The following SNX9 variants were observed in gnomAD, a reference collection of about 807,000 sequenced individuals.
SNX9 encodes sorting nexin-9.
A neutral mutation model predicts 89.4 loss-of-function variants in SNX9; 44 were observed. The observed-to-expected ratio is 0.49, with a 90% CI of 0.39 to 0.63. The LOEUF (loss-of-function observed/expected upper bound fraction) is 0.63. Among genes scored for constraint, SNX9 ranks in the 30% least tolerant of loss-of-function variants. SNX9 has a pLI of 0.00. For missense variants in SNX9, 578 were observed against 736.1 expected (o/e 0.79, Z 2.49); for synonymous variants, 236 against 247.8 (o/e 0.95, Z 0.45).
At chr6:157,942,641 A>C in intron 17 of SNX9, 150 bp from the exon 18 acceptor site, 2 of 784,666 alleles carry the variant, frequency 2.5e-6, no homozygotes, top group South Asian at 1.7e-5. Context: ...TCTGTCCAGC[A>C]GCAACGCGGG....
intron 9 of SNX9, among the ~76,000 whole-genome samples, chr6:157,912,075 A>G (rs1400888670): frequency 6.6e-6 from 1 of 152,062 alleles, no homozygotes; most frequent in Non-Finnish European, 1.5e-5. Context: ...CACTCCCTGT[A>G]CCTCAACCCG....
At chr6:157,849,682 G>A (rs1282797295) in intron 1 of SNX9, among the ~76,000 whole-genome samples, 4 of 152,210 alleles carry the variant, frequency 2.6e-5, no homozygotes, top group African/African-American at 9.6e-5. Context: ...CTTTCTTAGA[G>A]GTGGAAAGGA....
At chr6:157,871,474 A>G (rs1313066386) in intron 2 of SNX9, among the ~76,000 whole-genome samples, 1 of 152,162 alleles carries the variant, frequency 6.6e-6, no homozygotes, top group South Asian at 2.1e-4. Flanking sequence ...TGGGAATTGA[A>G]CAATGAGAAC....
chr6:157,841,512 G>T (rs1189743461), intron 1 of SNX9, among the ~76,000 whole-genome samples: 2 of 152,164 alleles, frequency 1.3e-5, no homozygotes, highest in African/African-American at 4.8e-5. Flanking sequence ...GTTTCCCCCA[G>T]GGAGGTTTAA....
In SNX9 at chr6:157,828,562, C is replaced by G. The variant is rs111563502; in HGVS notation, c.12+5116C>G. Among the ~76,000 whole-genome samples the G allele has an allele frequency of 8.5e-4, 130 of 152,066 alleles. 2 individuals carry two copies. The highest frequency in any genetic ancestry group is 2.5e-4 in the Non-Finnish European group (17 of 68,024). The stretch of plus-strand genomic sequence containing the variant: ...AGGCTGGAGTGCAGTGGCACGAACA[C>G]AGCTCACGGCAGTCTCGACTTCCCT... On this transcript the variant is annotated intron_variant, in intron 1 of 17. Coordinates refer to ENST00000392185, the MANE Select transcript of SNX9 (RefSeq NM_016224.5).
intron 1 of SNX9, among the ~76,000 whole-genome samples, chr6:157,835,776 G>A (rs866041039): frequency 6.6e-6 from 1 of 151,944 alleles, no homozygotes; most frequent in Non-Finnish European, 1.5e-5. Context: ...ACTTTCCATC[G>A]TGGTTCATGA....
At chr6:157,927,248 A>G (rs1406472952) in intron 11 of SNX9, 34 bp downstream of exon 11, 2 of 1,454,482 alleles carry the variant, frequency 1.4e-6, no homozygotes, top group Non-Finnish European at 9.7e-7. Context: ...TTTCTTCTCA[A>G]TCCGCACCCT....
intron 1 of SNX9, among the ~76,000 whole-genome samples, chr6:157,835,746 AG>A (rs948501849): frequency 1.3e-5 from 2 of 152,088 alleles, no homozygotes; most frequent in Non-Finnish European, 2.9e-5. Flanking sequence ...CTTGTGAAGA[AG>A]GTGCCTTGCT....
intron 1 of SNX9, among the ~76,000 whole-genome samples, chr6:157,852,779 G>A (rs1452536691): frequency 1.3e-5 from 2 of 152,066 alleles, no homozygotes; most frequent in East Asian, 3.9e-4. Flanking sequence ...TCTCCACGGT[G>A]CCCTGGCTGG....
chr6:157,926,678 G>A (rs1783698763), intron 10 of SNX9, among the ~76,000 whole-genome samples: 1 of 151,678 alleles, frequency 6.6e-6, no homozygotes, highest in African/African-American at 2.4e-5. Flanking sequence ...GCTACTTGGG[G>A]GCTGAGGTGG....
At chr6:157,831,755 T>A (rs1393943887) in intron 1 of SNX9, among the ~76,000 whole-genome samples, 1 of 152,224 alleles carries the variant, frequency 6.6e-6, no homozygotes, top group Non-Finnish European at 1.5e-5. Flanking sequence ...AGGTGTTTAG[T>A]TTGTATCTTT....
chr6:157,885,947 C>T (rs1012483156), intron 4 of SNX9, among the ~76,000 whole-genome samples: 1 of 152,152 alleles, frequency 6.6e-6, no homozygotes, highest in Non-Finnish European at 1.5e-5. Context: ...GAAAGCCAAA[C>T]GGAAAGCAGC....
chr6:157,902,537 T>A (rs193127836), intron 6 of SNX9, among the ~76,000 whole-genome samples: 49 of 152,192 alleles, frequency 3.2e-4, no homozygotes, highest in Admixed American at 1.4e-3. Context: ...ACGCATCGAG[T>A]GTTCCAGTCA....
intron 11 of SNX9, 23 bp from the exon 12 acceptor site, chr6:157,928,576 C>G: frequency 1.3e-6 from 2 of 1,576,850 alleles, no homozygotes; most frequent in Non-Finnish European, 1.7e-6. Context: ...GCTTATGTGA[C>G]TGACGGCCGC....
intron 1 of SNX9, among the ~76,000 whole-genome samples, chr6:157,855,940 G>C (rs1457040898): frequency 1.3e-5 from 2 of 152,104 alleles, no homozygotes; most frequent in Non-Finnish European, 2.9e-5. Context: ...GTAGAGACAG[G>C]GTTTCACCAT....
chr6:157,826,065 CTTGT>C (rs1162765543), intron 1 of SNX9, among the ~76,000 whole-genome samples: 24 of 152,202 alleles, frequency 1.6e-4, no homozygotes, highest in Admixed American at 2.0e-4. Flanking sequence ...ATACAATTTT[CTTGT>C]TTGTTCTTAC....
At chr6:157,906,499 T>G (rs1029415804) in intron 7 of SNX9, among the ~76,000 whole-genome samples, 11 of 152,196 alleles carry the variant, frequency 7.2e-5, no homozygotes, top group Non-Finnish European at 1.6e-4. Flanking sequence ...TTTTACATAG[T>G]TTTTCTGCCA....
intron 1 of SNX9, among the ~76,000 whole-genome samples, chr6:157,847,042 C>CAA (rs137937937): frequency 6.6e-6 from 1 of 151,350 alleles, no homozygotes; most frequent in Non-Finnish European, 1.5e-5. Context: ...GGCTCCATCT[C>CAA]AAAAAAAAGA....
intron 4 of SNX9, among the ~76,000 whole-genome samples, chr6:157,890,624 G>A (rs1229389597): frequency 1.3e-5 from 2 of 152,176 alleles, no homozygotes; most frequent in Non-Finnish European, 2.9e-5. Flanking sequence ...ACATGCTGTA[G>A]GAGTGTATTC....
Sources: gnomAD v4.1 joint callset for allele counts (sites outside exome capture counted in the v4.1 genomes callset) on GRCh38, gnomAD v4.1.1 for gene constraint, MANE v1.5 for transcripts, NCBI Gene and HGNC (gene_info 2026-07-23, HGNC 2026-07-21) for gene names.